The following CTNNA2 variants were observed in gnomAD, a reference collection of about 807,000 sequenced individuals.
CTNNA2 encodes the protein catenin alpha 2, also known as catenin alpha-2.
A neutral mutation model predicts 101.0 loss-of-function variants in CTNNA2; 42 were observed. The observed-to-expected ratio is 0.42, with a 90% CI of 0.32 to 0.54. The LOEUF (loss-of-function observed/expected upper bound fraction) is 0.54, where lower values mean the gene tolerates loss of function less well. CTNNA2 is among the 20% of genes least tolerant of loss of function. The pLI, the probability that CTNNA2 is intolerant of heterozygous loss-of-function variation, is 0.14. For synonymous variants in CTNNA2, 450 were observed against 456.4 expected (o/e 0.99, Z 0.18); for missense variants, 871 against 1,223.1 (o/e 0.71, Z 4.29).
intron 9 of CTNNA2, among the ~76,000 whole-genome samples, chr2:80,423,921 G>A (rs1279256797): frequency 6.6e-6 from 1 of 152,146 alleles, no homozygotes; most frequent in South Asian, 2.1e-4. Context: ...AAGGGAAATG[G>A]GGGAAGGGTA....
intron 4 of CTNNA2, among the ~76,000 whole-genome samples, chr2:79,391,080 C>T (rs1328966909): frequency 1.3e-5 from 2 of 152,148 alleles, no homozygotes; most frequent in East Asian, 3.9e-4. Flanking sequence ...GCCTACTTTC[C>T]CCATTCCTCT....
intron 9 of CTNNA2, among the ~76,000 whole-genome samples, chr2:80,484,781 C>G (rs188760625): frequency 6.6e-6 from 1 of 152,066 alleles, no homozygotes; most frequent in Non-Finnish European, 1.5e-5. Flanking sequence ...CCAAGGCGGG[C>G]GGATCACTAG....
At chr2:79,587,251 T>C (rs1357481178) in intron 1 of CTNNA2, among the ~76,000 whole-genome samples, 1 of 152,192 alleles carries the variant, frequency 6.6e-6, no homozygotes, top group East Asian at 1.9e-4. Flanking sequence ...TCACACTGTT[T>C]TTCAAAGTGA....
intron 3 of CTNNA2, among the ~76,000 whole-genome samples, chr2:79,787,667 T>A (rs1302019457): frequency 6.6e-6 from 1 of 152,062 alleles, no homozygotes; most frequent in Admixed American, 6.6e-5. Flanking sequence ...GAGAATTTAT[T>A]TCCTTGCCTT....
At chr2:80,045,320 C>T (rs1696443567) in intron 7 of CTNNA2, among the ~76,000 whole-genome samples, 1 of 152,188 alleles carries the variant, frequency 6.6e-6, no homozygotes, top group Non-Finnish European at 1.5e-5. Context: ...TTAAAACTAC[C>T]ATTGTCTCAT....
intron 3 of CTNNA2, among the ~76,000 whole-genome samples, chr2:79,845,169 C>T (rs1444489119): frequency 1.1e-5 from 1 of 89,610 alleles, no homozygotes; most frequent in Non-Finnish European, 2.2e-5. Context: ...CTAAACACAG[C>T]TGCTTTTTTT....
At chr2:80,363,252 G>GA (rs35470767) in intron 7 of CTNNA2, among the ~76,000 whole-genome samples, 34,943 of 150,358 alleles carry the variant, frequency 0.23, 4,141 homozygotes, top group East Asian at 0.38. Flanking sequence ...AAAACATGAA[G>GA]AAAAAAAAAT....
chr2:80,411,711 T>A (rs188926533), intron 8 of CTNNA2, among the ~76,000 whole-genome samples: 30 of 152,314 alleles, frequency 2.0e-4, no homozygotes, highest in African/African-American at 7.2e-4. Context: ...CAATATTGGT[T>A]TAAATCCTGC....
At chr2:80,386,132 A>G (rs989048970) in intron 7 of CTNNA2, among the ~76,000 whole-genome samples, 2 of 152,152 alleles carry the variant, frequency 1.3e-5, no homozygotes, top group African/African-American at 2.4e-5. Flanking sequence ...TACATTATAT[A>G]TTGAGGATTA....
At chr2:79,953,272 C>G (rs1287432318) in intron 7 of CTNNA2, among the ~76,000 whole-genome samples, 1 of 152,142 alleles carries the variant, frequency 6.6e-6, no homozygotes, top group Non-Finnish European at 1.5e-5. Flanking sequence ...ATTTCTTTCA[C>G]TGTACCTTGG....
At chr2:79,469,679 C>A (rs1182257092) in intron 4 of CTNNA2, among the ~76,000 whole-genome samples, 1 of 152,168 alleles carries the variant, frequency 6.6e-6, no homozygotes, top group Admixed American at 6.5e-5. Context: ...AGCTTATCCA[C>A]CATGATCAAG....
chr2:80,559,454 A>G (rs1266284087), intron 12 of CTNNA2, among the ~76,000 whole-genome samples: 1 of 152,172 alleles, frequency 6.6e-6, no homozygotes, highest in Non-Finnish European at 1.5e-5. Flanking sequence ...GAGGTGCCCA[A>G]AGAGTGATAA....
At chr2:79,318,442 C>T (rs1186983282) in intron 3 of CTNNA2, among the ~76,000 whole-genome samples, 1 of 152,154 alleles carries the variant, frequency 6.6e-6, no homozygotes, top group Non-Finnish European at 1.5e-5. Flanking sequence ...CTGTTTAAAG[C>T]TTACCAGGTT....
chr2:80,258,566 T>A (rs1335346294), intron 7 of CTNNA2, among the ~76,000 whole-genome samples: 2 of 152,128 alleles, frequency 1.3e-5, no homozygotes, highest in South Asian at 4.1e-4. Context: ...TAGGGAATGT[T>A]CCACTGAGCC....
chr2:79,759,237 C>CA (rs772060763), intron 3 of CTNNA2, among the ~76,000 whole-genome samples: 7 of 152,040 alleles, frequency 4.6e-5, no homozygotes, highest in East Asian at 1.9e-4. Flanking sequence ...ACTAAAAATA[C>CA]AAAAAATTAG....
At chr2:79,604,070 G>A (rs1677725897) in intron 1 of CTNNA2, among the ~76,000 whole-genome samples, 1 of 152,108 alleles carries the variant, frequency 6.6e-6, no homozygotes, top group Non-Finnish European at 1.5e-5. Flanking sequence ...CACACTAGGG[G>A]CAGGAACCAG....
At chr2:79,396,831 C>G (rs112724547) in intron 4 of CTNNA2, among the ~76,000 whole-genome samples, 4 of 152,132 alleles carry the variant, frequency 2.6e-5, no homozygotes, top group African/African-American at 9.7e-5. Flanking sequence ...AAATAACAAT[C>G]TCTTTCCTAA....
intron 1 of CTNNA2, among the ~76,000 whole-genome samples, chr2:79,574,841 A>G (rs1163336136): frequency 2.0e-5 from 3 of 152,184 alleles, no homozygotes; most frequent in African/African-American, 7.2e-5. Context: ...CCAGCTGTGT[A>G]TAAGTGTTCC....
chr2:79,962,508 A>G (rs1428001715), intron 7 of CTNNA2, among the ~76,000 whole-genome samples: 2 of 152,216 alleles, frequency 1.3e-5, no homozygotes, highest in Admixed American at 6.5e-5. Flanking sequence ...GCCTAAATTC[A>G]AATTTGTCTT....
Sources: allele counts gnomAD v4.1 joint callset (sites outside exome capture counted in the v4.1 genomes callset), GRCh38; gene constraint gnomAD v4.1.1; transcripts MANE v1.5; gene names NCBI Gene and HGNC (gene_info 2026-07-23, HGNC 2026-07-21).